Variants in RTBDN observed in about 807,000 individuals in gnomAD.
RTBDN encodes retbindin.
RTBDN carries 24 observed loss-of-function variants against 21.9 expected under a neutral mutation model. That is an observed-to-expected ratio of 1.10 (90% CI 0.79 to 1.54). The LOEUF is 1.54. Ranked by LOEUF, RTBDN falls within the 40% of genes most tolerant of loss-of-function variation. The pLI is 0.00. For synonymous variants in RTBDN, 141 were observed against 125.9 expected, an observed-to-expected ratio of 1.12 and a Z score of -0.80; for missense variants, 325 against 315.2, an observed-to-expected ratio of 1.03 and a Z score of -0.23.
At chr19:12,831,722 A>T (rs1455292408) in intron 1 of RTBDN, among the ~76,000 whole-genome samples, 1 of 152,220 alleles carries the variant, frequency 6.6e-6, no homozygotes, top group Non-Finnish European at 1.5e-5. Context: ...AAACAAACAA[A>T]CAAAAACTCA....
In RTBDN at chr19:12,829,902, T is replaced by G; in HGVS notation, c.78A>C (p.Glu26Asp). 1 of 1,614,166 alleles carries G rather than the reference T, an allele frequency of 6.2e-7. No individual in the cohort carries two copies. Among genetic ancestry groups the G allele is most frequent in the East Asian group, 2.2e-5 (1 of 44,880 alleles). ...GGAGTGGGCGGCTCCCTCCACAGGC[T>G]TCTAGCAGGATCCATGCCAAGGTCA... ...LQLTLAWILL[E>D]ACGGSRPLQA... The change falls in exon 2 of 6, where the codon GAA (glutamate) becomes GAC (aspartate). Residue 26 changes from glutamate (E) to aspartate (D), a missense_variant. Coordinates refer to ENST00000674343, the MANE Select transcript of RTBDN (RefSeq NM_001270441.2).
chr19:12,830,737 G>A lies in RTBDN; in HGVS notation c.-18-740C>T. 1 of 955,622 alleles carries A rather than the reference G, an allele frequency of 1.0e-6. No individual in the cohort carries two copies. The highest frequency in any genetic ancestry group is 1.2e-6 in the Non-Finnish European group (1 of 802,732). 59.2% of individuals were successfully genotyped at this position (955,622 alleles called of 1,614,324 possible). A position where few individuals can be genotyped will look rare whatever the true frequency, so the allele number is the denominator to read the frequency against. On this transcript the variant is annotated intron_variant, in intron 1 of 5. Coordinates refer to ENST00000674343, the MANE Select transcript of RTBDN (RefSeq NM_001270441.2). The surrounding 1 kb of genome is among the most constrained non-coding windows in gnomAD (Gnocchi z 4.2). ...CTCCCACCGTCCTGCCCACACTCCA[G>A]CTGACCAAAGGCTGGCCGACTTGGG...
In RTBDN at chr19:12,827,950, G is replaced by A. The variant is rs1037412384; in HGVS notation, c.365+707C>T. On this transcript the variant is annotated intron_variant, in intron 4 of 5. Coordinates refer to ENST00000674343, the MANE Select transcript of RTBDN (RefSeq NM_001270441.2). ...TCTACTAAAAATACAAAATTTAGCC[G>A]GGCGTGGTGGCGGAAGCATGTAATC... Among the ~76,000 whole-genome samples, 13 of 152,044 alleles carry A rather than the reference G, an allele frequency of 8.6e-5. 1 individual carries two copies. Among genetic ancestry groups the A allele is most frequent in the African/African-American group, 2.7e-4 (11 of 41,482 alleles).
At chr19:12,829,181 C>T (rs1487853048) in intron 2 of RTBDN, among the ~76,000 whole-genome samples, 6 of 151,766 alleles carry the variant, frequency 4.0e-5, no homozygotes, top group Admixed American at 1.3e-4. Context: ...GACACATATA[C>T]TTAATCCTTT....
chr19:12,834,926 GT>G (rs1297807743), upstream of RTBDN: 213 of 1,563,422 alleles, frequency 1.4e-4, no homozygotes, highest in Non-Finnish European at 2.6e-6. This position sits in a 1 kb window ranked among gnomAD's most constrained non-coding sequence, Gnocchi z 4.7. Flanking sequence ...GATGATATCT[GT>G]GCCCCAAGGC....
At chr19:12,826,896 G>A in intron 4 of RTBDN, 25 bp from the exon 5 acceptor site, 1 of 1,493,484 alleles carries the variant, frequency 6.7e-7, no homozygotes, top group Non-Finnish European at 9.1e-7. Context: ...TGGAGAGGTG[G>A]GTAAAGCCTT....
At chr19:12,826,595 G>A (rs1236609675) in intron 5 of RTBDN, 180 bp downstream of exon 5, 1 of 702,426 alleles carries the variant, frequency 1.4e-6, no homozygotes, top group Non-Finnish European at 2.3e-6. Context: ...TCGGGAGGTT[G>A]CGGCAGGAGA....
intron 4 of RTBDN, among the ~76,000 whole-genome samples, chr19:12,828,403 AAAAG>A (rs758578016): frequency 8.5e-5 from 13 of 152,138 alleles, no homozygotes; most frequent in Admixed American, 3.3e-4. Context: ...CTCAAAAAAA[AAAAG>A]AAAGAAAGAA....
Position 12,834,385 on chromosome 19 carries a change from A to G in RTBDN, c.-19+104T>C. On this transcript the variant is annotated intron_variant, in intron 1 of 5. Transcript: ENST00000674343. This position sits in a 1 kb window ranked among gnomAD's most constrained non-coding sequence, Gnocchi z 4.7. ...CCTAGGGCTCATGCCCCTCGGGGCC[A>G]TCGGCGCCGCTGGAGGCGTAAACAT... is the stretch of plus-strand genomic sequence containing the variant. 2.3e-6 allele frequency: 2 copies of G among 872,822 alleles called. No homozygotes were observed. Among genetic ancestry groups the G allele is most frequent in the Admixed American group, 2.3e-5 (1 of 44,308 alleles). The allele number at this position is 872,822 out of a possible 1,614,324, so 54.1% of individuals were successfully genotyped here. A position where few individuals can be genotyped will look rare whatever the true frequency, so the allele number is the denominator to read the frequency against.
intron 4 of RTBDN, among the ~76,000 whole-genome samples, chr19:12,827,255 G>A (rs769930338): frequency 2.6e-5 from 4 of 151,828 alleles, no homozygotes; most frequent in African/African-American, 9.7e-5. Context: ...CCAAGCTGGA[G>A]CAATCCTTCC....
At chr19:12,828,596 A>G in intron 4 of RTBDN, 61 bp downstream of exon 4, 1 of 1,321,946 alleles carries the variant, frequency 7.6e-7, no homozygotes, top group Non-Finnish European at 1.1e-6. Context: ...AGCAAACTGC[A>G]GGCTCCGCCC....
At position 12,828,877 on chromosome 19, in the gene RTBDN, C is replaced by A; in HGVS notation, c.246G>T (p.Pro82=). The A allele has an allele frequency of 6.2e-7, 1 of 1,614,186 alleles. No individual in the cohort carries two copies. The highest frequency in any genetic ancestry group is 2.2e-5 in the East Asian group (1 of 44,882). ...PGNHPERCGV[P]SPECESFLEH... The stretch of plus-strand genomic sequence containing the variant: ...GAGGGTGCTGTACTCACTCAGGGCT[C>A]GGCACTCCACAGCGTTCTGGATGGT... The change falls in exon 3 of 6, where the codon CCG becomes CCT. Residue 82 remains proline, a synonymous_variant. Coordinates refer to ENST00000674343, the MANE Select transcript of RTBDN (RefSeq NM_001270441.2).
chr19:12,827,409 G>A (rs539912611), intron 4 of RTBDN, among the ~76,000 whole-genome samples: 1 of 143,370 alleles, frequency 7.0e-6, no homozygotes, highest in South Asian at 2.2e-4. Context: ...TGCAACCTCT[G>A]CCTCCCAGGT....
chr19:12,825,838 G>A lies in RTBDN; in HGVS notation c.558C>T (p.Ile186=). ...PGARHCFNIS[I]SAVPRPRPGR... Reference sequence around the variant, plus strand: ...CTGGTCTGGGACGAGGTACCGCGGAGATGGAGATGTTGAAGCAGTGACGGG... The same window carrying A: ...CTGGTCTGGGACGAGGTACCGCGGAAATGGAGATGTTGAAGCAGTGACGGG... Residue 186 remains isoleucine (I), a synonymous_variant, in exon 6 of 6, where the codon ATC becomes ATT. Coordinates refer to ENST00000674343, the MANE Select transcript of RTBDN (RefSeq NM_001270441.2). The A allele has an allele frequency of 6.2e-7, 1 of 1,613,646 alleles. No homozygotes were observed. The highest frequency in any genetic ancestry group is 1.1e-5 in the South Asian group (1 of 91,022).
At position 12,825,844 on chromosome 19, in the gene RTBDN, G is replaced by C; in HGVS notation, c.552C>G (p.Ile184Met). Residue 184 changes from isoleucine (I) to methionine (M), a missense_variant, in exon 6 of 6, where the codon ATC (isoleucine) becomes ATG (methionine). Physicochemically the swap from Ile to Met is conservative, Grantham distance 10. Coordinates refer to ENST00000674343, the MANE Select transcript of RTBDN (RefSeq NM_001270441.2). ...AAPGARHCFNISISAVPRPRP... is the reference protein window; with the variant it reads ...AAPGARHCFNMSISAVPRPRP... ...TGGGACGAGGTACCGCGGAGATGGAGATGTTGAAGCAGTGACGGGCTCCAG... is the reference window on the plus strand; with the variant it reads ...TGGGACGAGGTACCGCGGAGATGGACATGTTGAAGCAGTGACGGGCTCCAG... 5 of 1,613,652 alleles carry C rather than the reference G, an allele frequency of 3.1e-6. No homozygotes were observed. Among genetic ancestry groups the C allele is most frequent in the East Asian group, 4.5e-5 (2 of 44,880 alleles).
At chr19:12,833,900 T>C (rs1385319452) in intron 1 of RTBDN, 1 of 159,478 alleles carries the variant, frequency 6.3e-6, no homozygotes, top group Non-Finnish European at 1.3e-5. Context: ...ACTCCCTCCC[T>C]CCTCCCTCCT....
chr19:12,834,419 G>A lies in RTBDN; in HGVS notation c.-19+70C>T. 8.1e-7 allele frequency: 1 copy of A among 1,230,554 alleles called. No homozygotes were observed. Among genetic ancestry groups the A allele is most frequent in the Non-Finnish European group, 1.1e-6 (1 of 873,544 alleles). The allele number at this position is 1,230,554 out of a possible 1,614,324, so 76.2% of individuals were successfully genotyped here. On this transcript the variant is annotated intron_variant, in intron 1 of 5. Transcript: ENST00000674343. This position sits in a 1 kb window ranked among gnomAD's most constrained non-coding sequence, Gnocchi z 4.7. ...GCTGGAGGCGTAAACATGTTTGTGC[G>A]GCAACCTCGCCCCTCACCACCCCAG...
intron 1 of RTBDN, among the ~76,000 whole-genome samples, chr19:12,831,154 G>A (rs937739110): frequency 1.3e-5 from 2 of 151,796 alleles, no homozygotes; most frequent in Non-Finnish European, 2.9e-5. Flanking sequence ...GGGAAATGTA[G>A]CATTGGGTTA....
chr19:12,826,361 G>A (rs1292896344), intron 5 of RTBDN: 3 of 1,267,424 alleles, frequency 2.4e-6, no homozygotes, highest in East Asian at 5.5e-5. Flanking sequence ...GACCTGGGGA[G>A]TACCAATCCG....
Sources: allele counts gnomAD v4.1 joint callset (sites outside exome capture counted in the v4.1 genomes callset), GRCh38; gene constraint gnomAD v4.1.1; non-coding constraint Gnocchi (gnomAD v3.1); transcripts MANE v1.5; gene names NCBI Gene and HGNC (gene_info 2026-07-23, HGNC 2026-07-21).